The following ARHGEF19 variants were observed in gnomAD, a reference collection of about 807,000 sequenced individuals.
The protein encoded by ARHGEF19 is Rho guanine nucleotide exchange factor (GEF) 19.
A neutral mutation model predicts 87.6 loss-of-function variants in ARHGEF19; 92 were observed. That is an observed-to-expected ratio of 1.05 (90% CI 0.89 to 1.25). The LOEUF is 1.25. ARHGEF19 is among the 50% of genes most tolerant of loss of function. ARHGEF19 has a pLI of 0.00. For missense variants in ARHGEF19, 1,054 were observed against 1,051.8 expected (o/e 1.00, Z -0.03); for synonymous variants, 438 against 446.2 (o/e 0.98, Z 0.23).
rs1234661289 is a variant in ARHGEF19 at position 16,206,724 on chromosome 1, C to T, written c.1137+224G>A. ...CGTCCCGCTGGCTCCGCCCCCTACC[C>T]GCACCCAAGCCCGGCTCCCCTCGCC... On this transcript the variant is annotated intron_variant, in intron 6 of 15. Transcript: ENST00000270747. This position sits in a 1 kb window ranked among gnomAD's most constrained non-coding sequence, Gnocchi z 4.6. 2.0e-5 allele frequency among the ~76,000 whole-genome samples: 3 copies of T among 152,178 alleles called. No individual in the cohort carries two copies. The highest frequency in any genetic ancestry group is 7.2e-5 in the African/African-American group (3 of 41,530).
chr1:16,205,062 C>T lies in ARHGEF19; in HGVS notation c.1746+25G>A, dbSNP rs764247421. On this transcript the variant is annotated intron_variant, in intron 11 of 15. Coordinates refer to ENST00000270747, the MANE Select transcript of ARHGEF19 (RefSeq NM_153213.5). The surrounding 1 kb of genome is among the most constrained non-coding windows in gnomAD (Gnocchi z 5.8). ...AACAAGAGCTGCCCCTTGGGGTCCC[C>T]ATCCCGCTGGCTGCAGACACACACC... 1 of 1,583,058 alleles carries T rather than the reference C, an allele frequency of 6.3e-7. No individual in the cohort carries two copies. The highest frequency in any genetic ancestry group is 8.6e-7 in the Non-Finnish European group (1 of 1,164,474).
chr1:16,207,655 G>A lies in ARHGEF19; in HGVS notation c.797+20C>T. ...CGCCTGCACCCTGTCTCGGACCCAA[G>A]CCCAAACGGGAGGTGGTACCTGGGC... On this transcript the variant is annotated intron_variant, in intron 4 of 15. Coordinates refer to ENST00000270747, the MANE Select transcript of ARHGEF19 (RefSeq NM_153213.5). The surrounding 1 kb of genome is among the most constrained non-coding windows in gnomAD (Gnocchi z 4.0). The A allele has an allele frequency of 6.2e-7, 1 of 1,614,100 alleles. No homozygotes were observed. Among genetic ancestry groups the A allele is most frequent in the South Asian group, 1.1e-5 (1 of 91,086 alleles).
chr1:16,199,918 C>T (rs1391955871), intron 14 of ARHGEF19, among the ~76,000 whole-genome samples: 1 of 152,160 alleles, frequency 6.6e-6, no homozygotes, highest in East Asian at 1.9e-4. Context: ...AGCCTCCCTG[C>T]TGTTCCTCAC....
At chr1:16,200,664 A>T (rs2081077386) in intron 14 of ARHGEF19, among the ~76,000 whole-genome samples, 1 of 152,176 alleles carries the variant, frequency 6.6e-6, no homozygotes, top group South Asian at 2.1e-4. Flanking sequence ...GAATTGTTTG[A>T]ACCTGGGAGG....
At position 16,198,656 on chromosome 1, in the gene ARHGEF19, G is replaced by A. The variant is rs763488448; in HGVS notation, c.2340C>T (p.Arg780=). ...GCTTATTCTCCCGGAGGTTTCGGAG[G>A]CGGGCGCTGAGGCTGCTGATCTCTT... The part of the protein sequence containing the change: ...YVEEISSLSA[R]LRNLRENKRV... The change falls in exon 16 of 16, where the codon CGC becomes CGT. Residue 780 remains arginine, a synonymous_variant. Transcript: ENST00000270747. The surrounding 1 kb of genome is among the most constrained non-coding windows in gnomAD (Gnocchi z 4.1). 8.7e-6 allele frequency: 14 copies of A among 1,613,846 alleles called. No individual in the cohort carries two copies. The South Asian group carries it at 1.2e-4, about 14-fold the overall frequency.
In ARHGEF19 at chr1:16,207,777, C is replaced by T; in HGVS notation, c.695G>A (p.Gly232Glu). ...TCGAGCCTCCATTCCAGATGCTTTC[C>T]CTGGAGAGGGCGAGAACTGAGGGTG... ...SGSGTGAARE[G>E]KASGMEARSV... The change falls in exon 4 of 16, where the codon GGG becomes GAG. Residue 232 changes from glycine (G) to glutamate (E), a missense_variant and splice_region_variant. Coordinates refer to ENST00000270747, the MANE Select transcript of ARHGEF19 (RefSeq NM_153213.5). This position sits in a 1 kb window ranked among gnomAD's most constrained non-coding sequence, Gnocchi z 4.0. The T allele has an allele frequency of 1.9e-6, 3 of 1,613,716 alleles. No individual in the cohort carries two copies. Among genetic ancestry groups the T allele is most frequent in the Middle Eastern group, 1.7e-4 (1 of 5,880 alleles).
chr1:16,201,618 A>G (rs565358903), intron 14 of ARHGEF19, among the ~76,000 whole-genome samples, 164 bp downstream of exon 14: 2 of 152,258 alleles, frequency 1.3e-5, no homozygotes, highest in African/African-American at 4.8e-5. Context: ...TGTGCTATGT[A>G]AGTTCTGCCC....
intron 14 of ARHGEF19, among the ~76,000 whole-genome samples, chr1:16,201,520 C>G (rs946824799): frequency 6.6e-6 from 1 of 152,202 alleles, no homozygotes; most frequent in East Asian, 1.9e-4. Context: ...CTCTGAACCT[C>G]TCTTCTAACT....
chr1:16,202,135 A>G (rs2081088664), intron 13 of ARHGEF19, among the ~76,000 whole-genome samples: 1 of 152,214 alleles, frequency 6.6e-6, no homozygotes, highest in Non-Finnish European at 1.5e-5. Context: ...AGCCAGAGAT[A>G]GCAGGGTGTG....
chr1:16,199,197 G>T lies in ARHGEF19; in HGVS notation c.2204C>A (p.Thr735Asn). The change falls in exon 15 of 16, where the codon ACC becomes AAC. Residue 735 changes from threonine to asparagine, a missense_variant. Thr to Asn is a moderately conservative substitution (Grantham distance 65, BLOSUM62 0). Transcript: ENST00000270747. ...TGACAGGATGTCAGTCTTCTCCAAG[G>T]TCAGCTCATCTGGGTGCAGTGCCTT... ...TYKALHPDEL[T>N]LEKTDILSVR... 2 of 1,614,000 alleles carry T rather than the reference G, an allele frequency of 1.2e-6. No homozygotes were observed. The highest frequency in any genetic ancestry group is 1.7e-4 in the Middle Eastern group (1 of 6,058).
chr1:16,210,013 C>T (rs1436714909), intron 1 of ARHGEF19, among the ~76,000 whole-genome samples: 1 of 152,254 alleles, frequency 6.6e-6, no homozygotes, highest in Non-Finnish European at 1.5e-5. Context: ...TGGGTCCTTT[C>T]TGGGCAGGAA....
intron 1 of ARHGEF19, 112 bp from the exon 2 acceptor site, chr1:16,209,195 C>T (rs2081175632): frequency 3.1e-6 from 2 of 652,910 alleles, no homozygotes; most frequent in South Asian, 4.7e-5. Flanking sequence ...CACACATCTC[C>T]ACAAACACAC....
chr1:16,208,395 G>A (rs1036730682), intron 2 of ARHGEF19, among the ~76,000 whole-genome samples, 170 bp from the exon 3 acceptor site: 1 of 152,212 alleles, frequency 6.6e-6, no homozygotes, highest in Non-Finnish European at 1.5e-5. Context: ...CACGAGAGGG[G>A]TAAGGAGAGC....
chr1:16,205,919 C>A lies in ARHGEF19; in HGVS notation c.1451+12G>T. The A allele has an allele frequency of 6.3e-7, 1 of 1,599,322 alleles. No homozygotes were observed. Among genetic ancestry groups the A allele is most frequent in the Non-Finnish European group, 8.5e-7 (1 of 1,173,054 alleles). Reference sequence around the variant, plus strand: ...TCCACGCCCCCGCCCCTTTCAGAGCCCCCAGCCCTACAGCAGGCGCTGGTA... The same window carrying A: ...TCCACGCCCCCGCCCCTTTCAGAGCACCCAGCCCTACAGCAGGCGCTGGTA... On this transcript the variant is annotated intron_variant, in intron 8 of 15. Transcript: ENST00000270747. This position sits in a 1 kb window ranked among gnomAD's most constrained non-coding sequence, Gnocchi z 5.8.
In ARHGEF19 at chr1:16,206,361, G is replaced by T. The variant is rs1336594922; in HGVS notation, c.1138-21C>A. ...TTGGCCTGAGGGAGGGCACACACGG[G>T]GTCGAAAGGGCAGGACCAGTTCACC... On this transcript the variant is annotated intron_variant, in intron 6 of 15. Coordinates refer to ENST00000270747, the MANE Select transcript of ARHGEF19 (RefSeq NM_153213.5). The surrounding 1 kb of genome is among the most constrained non-coding windows in gnomAD (Gnocchi z 4.6). 1.3e-6 allele frequency: 2 copies of T among 1,567,828 alleles called. No individual in the cohort carries two copies. Among genetic ancestry groups the T allele is most frequent in the Non-Finnish European group, 1.7e-6 (2 of 1,156,136 alleles).
At position 16,198,616 on chromosome 1, in the gene ARHGEF19, T is replaced by C. The variant is rs987455305; in HGVS notation, c.2380A>G (p.Thr794Ala). The C allele has an allele frequency of 3.1e-6, 5 of 1,612,744 alleles. No individual in the cohort carries two copies. The highest frequency in any genetic ancestry group is 4.2e-6 in the Non-Finnish European group (5 of 1,179,268). Residue 794 changes from threonine (T) to alanine (A), a missense_variant, in exon 16 of 16, where the codon ACC (threonine) becomes GCC (alanine). Transcript: ENST00000270747. This position sits in a 1 kb window ranked among gnomAD's most constrained non-coding sequence, Gnocchi z 4.1. Reference protein sequence around the residue: ...LRENKRVTSATSKLGEAPV With the variant: ...LRENKRVTSAASKLGEAPV Reference sequence around the variant, plus strand: ...ACAGGAGCCTCCCCCAGTTTGCTGGTGGCACTTGTGACTCGCTTATTCTCC... The same window carrying C: ...ACAGGAGCCTCCCCCAGTTTGCTGGCGGCACTTGTGACTCGCTTATTCTCC...
At position 16,208,753 on chromosome 1, in the gene ARHGEF19, C is replaced by G. The variant is rs1451536247; in HGVS notation, c.302G>C (p.Ser101Thr). The G allele has an allele frequency of 6.2e-7, 1 of 1,611,924 alleles. No individual in the cohort carries two copies. Among genetic ancestry groups the G allele is most frequent in the African/African-American group, 1.3e-5 (1 of 74,874 alleles). ...CTGGGCACCAGGACAGTGTGGCCAG[C>G]TGCCAGCCCTGCTGGGCCGCATCCC... ...SGGMRPSRAG[S>T]WPHCPGAQPP... The change falls in exon 2 of 16, where the codon AGC becomes ACC. Residue 101 changes from serine to threonine, a missense_variant. Physicochemically the swap from Ser to Thr is moderately conservative, Grantham distance 58. Transcript: ENST00000270747.
In ARHGEF19 at chr1:16,207,017, C is replaced by G. The variant is rs1205627603; in HGVS notation, c.1068G>C (p.Gln356His). The change falls in exon 6 of 16, where the codon CAG becomes CAC. Residue 356 changes from glutamine (Q) to histidine (H), a missense_variant. By Grantham distance (24) the Gln-to-His change is conservative (BLOSUM62 0). Coordinates refer to ENST00000270747, the MANE Select transcript of ARHGEF19 (RefSeq NM_153213.5). This position sits in a 1 kb window ranked among gnomAD's most constrained non-coding sequence, Gnocchi z 4.0. The part of the protein sequence containing the change: ...SARGSTFSLW[Q>H]DIPDVRGSGV... ...CGCTGCCGCGTACGTCGGGGATATC[C>G]TGCCACAGCGAGAAGGTGGAGCCTC... The G allele has an allele frequency of 1.9e-5, 29 of 1,517,732 alleles. No homozygotes were observed. The highest frequency in any genetic ancestry group is 2.3e-5 in the Non-Finnish European group (26 of 1,135,428). The allele number at this position is 1,517,732 out of a possible 1,614,324, so 94.0% of individuals were successfully genotyped here.
chr1:16,200,195 G>A (rs2081072227), intron 14 of ARHGEF19, among the ~76,000 whole-genome samples: 1 of 152,224 alleles, frequency 6.6e-6, no homozygotes, highest in Non-Finnish European at 1.5e-5. Context: ...CACAGACTGA[G>A]GGGCCAGACC....
Sources: gnomAD v4.1 joint callset for allele counts (sites outside exome capture counted in the v4.1 genomes callset) on GRCh38, gnomAD v4.1.1 for gene constraint, Gnocchi (gnomAD v3.1) non-coding constraint, MANE v1.5 for transcripts, NCBI Gene and HGNC (gene_info 2026-07-23, HGNC 2026-07-21) for gene names.